Variants in B3GALNT2 observed in about 807,000 individuals in gnomAD.
The protein encoded by B3GALNT2 is beta-1,3-N-acetylgalactosaminyltransferase 2.
A neutral mutation model predicts 61.1 loss-of-function variants in B3GALNT2; 53 were observed. The ratio of observed to expected loss-of-function variants is 0.87; its 90% CI spans 0.70 to 1.09. The LOEUF is 1.09. Ranked by LOEUF, B3GALNT2 falls within the 50% of genes least tolerant of loss-of-function variation. The pLI, the probability that B3GALNT2 is intolerant of heterozygous loss-of-function variation, is 0.00. For synonymous variants in B3GALNT2, 223 were observed against 237.4 expected (o/e 0.94, Z 0.56); for missense variants, 544 against 623.0 (o/e 0.87, Z 1.35).
intron 1 of B3GALNT2, among the ~76,000 whole-genome samples, chr1:235,502,975 T>C (rs1022497525): frequency 6.6e-6 from 1 of 152,260 alleles, no homozygotes; most frequent in Non-Finnish European, 1.5e-5. Flanking sequence ...ATCACTTAAA[T>C]AGTGTTTAAT....
At position 235,465,654 on chromosome 1, in the gene B3GALNT2, A is replaced by T. The variant is rs1683658604; in HGVS notation, c.823T>A (p.Phe275Ile). 1 of 1,613,962 alleles carries T rather than the reference A, an allele frequency of 6.2e-7. No individual in the cohort carries two copies. Among genetic ancestry groups the T allele is most frequent in the Non-Finnish European group, 8.5e-7 (1 of 1,180,010 alleles). ...LEGVEGVAGGFIYTIQEGDAL... is the reference protein window; with the variant it reads ...LEGVEGVAGGIIYTIQEGDAL... ...AACTTACCCTGAATAGTATATATAAAACCACCTGCAACTCCCTCCACACCT... is the reference window on the plus strand; with the variant it reads ...AACTTACCCTGAATAGTATATATAATACCACCTGCAACTCCCTCCACACCT... Residue 275 changes from phenylalanine to isoleucine, a missense_variant, in exon 7 of 12, where the codon TTT (phenylalanine) becomes ATT (isoleucine). Transcript: ENST00000366600.
chr1:235,500,926 A>C (rs1237317310), intron 1 of B3GALNT2, among the ~76,000 whole-genome samples: 1 of 152,226 alleles, frequency 6.6e-6, no homozygotes, highest in African/African-American at 2.4e-5. Context: ...AAAATTACAA[A>C]GCAAGCTCAA....
At chr1:235,443,022 T>TA, downstream of B3GALNT2, 1 of 1,067,026 alleles carries the variant, frequency 9.4e-7, no homozygotes, top group Non-Finnish European at 1.4e-6. Context: ...CCTCAGAACT[T>TA]ACAGGTTTTC....
chr1:235,479,466 T>C (rs1195010573), intron 5 of B3GALNT2: 1 of 152,706 alleles, frequency 6.5e-6, no homozygotes, highest in East Asian at 1.9e-4. Flanking sequence ...GCGACCATAC[T>C]GTGTGGCTTA....
At chr1:235,463,076 C>CA (rs1683505818) in intron 7 of B3GALNT2, among the ~76,000 whole-genome samples, 1 of 152,166 alleles carries the variant, frequency 6.6e-6, no homozygotes, top group Non-Finnish European at 1.5e-5. Context: ...ATGGCATTCA[C>CA]AGCACCTGCG....
intron 7 of B3GALNT2, among the ~76,000 whole-genome samples, chr1:235,462,146 T>G (rs1048934511): frequency 1.3e-5 from 2 of 152,224 alleles, no homozygotes; most frequent in Non-Finnish European, 2.9e-5. Context: ...TCAAGGAGCA[T>G]CTGTATAATT....
At chr1:235,498,972 T>C in intron 1 of B3GALNT2, among the ~76,000 whole-genome samples, 1 of 152,026 alleles carries the variant, frequency 6.6e-6, no homozygotes, top group East Asian at 1.9e-4. Flanking sequence ...GGTGTAACTT[T>C]GTCCAGCAAT....
downstream of B3GALNT2, among the ~76,000 whole-genome samples, chr1:235,446,183 CT>C (rs11463602): frequency 6.7e-5 from 10 of 149,094 alleles, no homozygotes; most frequent in East Asian, 1.2e-3. Context: ...CCTATACATC[CT>C]TTTTTTTTTG....
At chr1:235,496,297 G>T in intron 1 of B3GALNT2, 1 of 800,584 alleles carries the variant, frequency 1.2e-6, no homozygotes, top group Non-Finnish European at 1.6e-6. Context: ...GGCAACAAGA[G>T]TGAGACTCCA....
At chr1:235,475,474 G>A (rs1307269303) in intron 5 of B3GALNT2, among the ~76,000 whole-genome samples, 1 of 152,020 alleles carries the variant, frequency 6.6e-6, no homozygotes, top group Non-Finnish European at 1.5e-5. Context: ...AGTGTGGAGG[G>A]AATACGATGA....
chr1:235,456,709 C>T lies in B3GALNT2; in HGVS notation c.1026-1025G>A, dbSNP rs13376091. Among the ~76,000 whole-genome samples the T allele has an allele frequency of 8.3e-3, 1,258 of 152,214 alleles. 14 individuals are homozygous for T. The highest frequency in any genetic ancestry group is 0.029 in the African/African-American group (1,214 of 41,528). ...GCGATCCAGGGAGAGAAGGTGGCAG[C>T]CAACAATAGCGGCAGCGGAGACTAA... On this transcript the variant is annotated intron_variant, in intron 8 of 11. Coordinates refer to ENST00000366600, the MANE Select transcript of B3GALNT2 (RefSeq NM_152490.5).
At chr1:235,442,459 C>T (rs949559759), downstream of B3GALNT2, among the ~76,000 whole-genome samples, 4 of 151,720 alleles carry the variant, frequency 2.6e-5, no homozygotes, top group Non-Finnish European at 5.9e-5. Context: ...CATGAGCTAC[C>T]GCGCCCTGTC....
chr1:235,465,469 G>A lies in B3GALNT2; in HGVS notation c.841+167C>T, dbSNP rs986497783. 22 of 1,084,292 alleles carry A rather than the reference G, an allele frequency of 2.0e-5. No individual in the cohort carries two copies. In the African/African-American group the frequency reaches 2.7e-4, roughly 13 times the overall value. 67.2% of individuals were successfully genotyped at this position (1,084,292 alleles called of 1,614,324 possible). A position where few individuals can be genotyped will look rare whatever the true frequency, so the allele number is the denominator to read the frequency against. On this transcript the variant is annotated intron_variant, in intron 7 of 11. Transcript: ENST00000366600. ...TTCCTTTTGGGAGGTGGAGCCGGTT[G>A]TAGAACTCTAAGAATACACTAAAAC... is the stretch of plus-strand genomic sequence containing the variant.
At position 235,455,610 on chromosome 1, in the gene B3GALNT2, A is replaced by T; in HGVS notation, c.1100T>A (p.Phe367Tyr). The T allele has an allele frequency of 6.2e-7, 1 of 1,608,788 alleles. No individual in the cohort carries two copies. Among genetic ancestry groups the T allele is most frequent in the Non-Finnish European group, 8.5e-7 (1 of 1,175,102 alleles). ...CAGATTCTTTTGGACAATCCTATTAAATACAGCTTCGAGGTCTATGTAACA... is the reference window on the plus strand; with the variant it reads ...CAGATTCTTTTGGACAATCCTATTATATACAGCTTCGAGGTCTATGTAACA... ...DDCYIDLEAV[F>Y]NRIVQKNLDG... The change falls in exon 9 of 12, where the codon TTT becomes TAT. Residue 367 changes from phenylalanine to tyrosine, a missense_variant. Transcript: ENST00000366600.
At position 235,449,175 on chromosome 1, in the gene B3GALNT2, G is replaced by C; in HGVS notation, c.*1031C>G. On this transcript the variant is annotated 3_prime_UTR_variant, in exon 12 of 12. Coordinates refer to ENST00000366600, the MANE Select transcript of B3GALNT2 (RefSeq NM_152490.5). ...GAAATGATTTGGTTGGTCATTTTGG[G>C]AAATGTCCCTTAAACTTGGGGAGAC... 4.0e-6 allele frequency: 1 copy of C among 247,382 alleles called. No individual in the cohort carries two copies. The highest frequency in any genetic ancestry group is 7.9e-6 in the Non-Finnish European group (1 of 125,954). 15.3% of individuals were successfully genotyped at this position (247,382 alleles called of 1,614,324 possible). A position where few individuals can be genotyped will look rare whatever the true frequency, so the allele number is the denominator to read the frequency against.
At chr1:235,484,907 G>C (rs1343670430) in intron 3 of B3GALNT2, among the ~76,000 whole-genome samples, 1 of 152,146 alleles carries the variant, frequency 6.6e-6, no homozygotes, top group African/African-American at 2.4e-5. Flanking sequence ...CAGTAAATTT[G>C]GTCTTACTGT....
chr1:235,462,629 G>T (rs1469627857), intron 7 of B3GALNT2, among the ~76,000 whole-genome samples: 1 of 152,116 alleles, frequency 6.6e-6, no homozygotes, highest in African/African-American at 2.4e-5. Context: ...GCATCAAAAA[G>T]ATAACATAAG....
At chr1:235,440,010 G>A in the B3GALNT2 span, among the ~76,000 whole-genome samples, 1 of 151,016 alleles carries the variant, frequency 6.6e-6, no homozygotes. Flanking sequence ...TCGCTCTGTC[G>A]CCCAGGCTGG....
chr1:235,476,238 C>T (rs897487729), intron 5 of B3GALNT2, among the ~76,000 whole-genome samples: 2 of 151,898 alleles, frequency 1.3e-5, no homozygotes, highest in South Asian at 2.1e-4. Flanking sequence ...GGTGAAACCC[C>T]GTCTGTACTA....
Sources: allele counts gnomAD v4.1 joint callset (sites outside exome capture counted in the v4.1 genomes callset), GRCh38; gene constraint gnomAD v4.1.1; transcripts MANE v1.5; gene names NCBI Gene and HGNC (gene_info 2026-07-23, HGNC 2026-07-21).